Variants in NEDD4L observed in about 807,000 individuals in gnomAD.
NEDD4L encodes the protein E3 ubiquitin-protein ligase NEDD4-like.
NEDD4L carries 54 observed loss-of-function variants against 148.9 expected under a neutral mutation model. The observed-to-expected ratio is 0.36, with a 90% CI of 0.29 to 0.45. The LOEUF (loss-of-function observed/expected upper bound fraction) is 0.45. Ranked by LOEUF, NEDD4L falls within the 20% of genes least tolerant of loss-of-function variation. NEDD4L has a pLI of 1.00. For missense variants in NEDD4L, 856 were observed against 1,233.8 expected (o/e 0.69, Z 4.59); for synonymous variants, 433 against 440.7 (o/e 0.98, Z 0.22).
intron 2 of NEDD4L, among the ~76,000 whole-genome samples, chr18:58,224,042 G>A (rs1200144289): frequency 6.6e-6 from 1 of 152,224 alleles, no homozygotes; most frequent in Non-Finnish European, 1.5e-5. Context: ...TTCCTGCCAA[G>A]AGCCCCCTGC....
At chr18:58,193,584 C>CT (rs2040348488) in intron 2 of NEDD4L, among the ~76,000 whole-genome samples, 1 of 152,216 alleles carries the variant, frequency 6.6e-6, no homozygotes, top group African/African-American at 2.4e-5. Context: ...CCAATTTCTT[C>CT]TTTTTCCACG....
At chr18:58,206,450 T>C (rs1489701820) in intron 2 of NEDD4L, among the ~76,000 whole-genome samples, 2 of 152,140 alleles carry the variant, frequency 1.3e-5, no homozygotes, top group Non-Finnish European at 2.9e-5. Context: ...GTAGCTTGGT[T>C]CAGCCCAGCA....
chr18:58,165,107 C>A (rs2036684784), intron 1 of NEDD4L, among the ~76,000 whole-genome samples: 1 of 152,118 alleles, frequency 6.6e-6, no homozygotes, highest in African/African-American at 2.4e-5. Context: ...CTGCTTGTTG[C>A]CTTCAATAGA....
chr18:58,387,673 C>T (rs988820844), intron 27 of NEDD4L, 175 bp downstream of exon 27: 5 of 716,508 alleles, frequency 7.0e-6, no homozygotes, highest in African/African-American at 3.7e-5. Context: ...TATTACATGT[C>T]TCTTATGGGG....
intron 2 of NEDD4L, among the ~76,000 whole-genome samples, chr18:58,244,423 C>T (rs898262753): frequency 3.3e-5 from 5 of 152,178 alleles, no homozygotes; most frequent in Admixed American, 2.6e-4. Context: ...GCTAGCAATA[C>T]TTGAAAGTGT....
chr18:58,234,105 T>C (rs565721370), intron 2 of NEDD4L, among the ~76,000 whole-genome samples: 2 of 62,216 alleles, frequency 3.2e-5, no homozygotes, highest in African/African-American at 8.1e-5. Flanking sequence ...TTCTTTCTTT[T>C]CTTTTCTTTT....
At chr18:58,135,973 CCTTGTGGCTAAATA>C (rs2032800018) in intron 1 of NEDD4L, among the ~76,000 whole-genome samples, 1 of 152,184 alleles carries the variant, frequency 6.6e-6, no homozygotes, top group Non-Finnish European at 1.5e-5. Context: ...GCTTGCTCCC[CCTTGTGGCTAAATA>C]CAGGTGGTTC....
At chr18:58,389,761 A>T (rs957675452) in intron 28 of NEDD4L, among the ~76,000 whole-genome samples, 2 of 151,634 alleles carry the variant, frequency 1.3e-5, no homozygotes. Context: ...AAAAACAGTT[A>T]TCCCCCAAAA....
At chr18:58,317,698 G>A (rs1483119087) in intron 6 of NEDD4L, among the ~76,000 whole-genome samples, 1 of 152,190 alleles carries the variant, frequency 6.6e-6, no homozygotes, top group Non-Finnish European at 1.5e-5. Flanking sequence ...TGGATTCTGA[G>A]TGGAGGCAGG....
At chr18:58,290,105 A>G (rs1302140350) in intron 5 of NEDD4L, among the ~76,000 whole-genome samples, 1 of 152,214 alleles carries the variant, frequency 6.6e-6, no homozygotes, top group Admixed American at 6.5e-5. Flanking sequence ...ATCATCATAA[A>G]CTCCTAGACA....
intron 2 of NEDD4L, among the ~76,000 whole-genome samples, chr18:58,237,584 A>G (rs1239151883): frequency 2.0e-5 from 3 of 152,236 alleles, no homozygotes; most frequent in African/African-American, 7.2e-5. Context: ...TACTACCAAA[A>G]GATAAGGGAA....
intron 2 of NEDD4L, among the ~76,000 whole-genome samples, chr18:58,186,162 T>C (rs943075350): frequency 1.3e-5 from 2 of 152,160 alleles, no homozygotes; most frequent in African/African-American, 4.8e-5. Flanking sequence ...GAGTCGCAGA[T>C]TAGAAACAAC....
In NEDD4L at chr18:58,212,823, T is replaced by C. The variant is rs187087175; in HGVS notation, c.123-32604T>C. On this transcript the variant is annotated intron_variant, in intron 2 of 30. Transcript: ENST00000400345. ...TGGCAAAAGATACGTGATTAAGTCA[T>C]AGATCAAGAAGGGATATTTGAAACA... 1.2e-3 allele frequency among the ~76,000 whole-genome samples: 188 copies of C among 152,278 alleles called. 2 individuals carry two copies. Among genetic ancestry groups the C allele is most frequent in the Non-Finnish European group, 2.1e-3 (146 of 68,022 alleles).
chr18:58,097,004 T>C (rs2084453059), intron 1 of NEDD4L, among the ~76,000 whole-genome samples: 1 of 152,208 alleles, frequency 6.6e-6, no homozygotes, highest in Admixed American at 6.5e-5. Context: ...AAGGTTCTGA[T>C]CTTCAGAACT....
chr18:58,255,983 G>T (rs971559371), intron 5 of NEDD4L: 15 of 1,230,752 alleles, frequency 1.2e-5, no homozygotes, highest in Middle Eastern at 3.1e-4. Context: ...GGGCGCCGAC[G>T]ATGGGCCTCC....
chr18:58,393,518 GAA>G (rs2147053887), intron 30 of NEDD4L, among the ~76,000 whole-genome samples: 1 of 152,304 alleles, frequency 6.6e-6, no homozygotes, highest in South Asian at 2.1e-4. Flanking sequence ...ATGTGTCACG[GAA>G]ATAAAGCAAC....
At position 58,394,261 on chromosome 18, in the gene NEDD4L, A is replaced by T. The variant is rs117686004; in HGVS notation, c.2826-1906A>T. On this transcript the variant is annotated intron_variant, in intron 30 of 30. Coordinates refer to ENST00000400345, the MANE Select transcript of NEDD4L (RefSeq NM_001144967.3). ...GTGGCCCTAAGAGGTGGGTGATGTT[A>T]TGACCCACTTTTTTACAGATAACAC... Among the ~76,000 whole-genome samples, 125 of 152,350 alleles carry T rather than the reference A, an allele frequency of 8.2e-4. 3 individuals are homozygous for T. The East Asian group carries it at 0.022, about 27-fold the overall frequency.
intron 3 of NEDD4L, among the ~76,000 whole-genome samples, chr18:58,247,885 T>C (rs1444881199): frequency 6.6e-6 from 1 of 152,214 alleles, no homozygotes; most frequent in Non-Finnish European, 1.5e-5. Context: ...AACCCCATTA[T>C]TTAGGATTGA....
At chr18:58,258,476 A>G (rs959046605) in intron 5 of NEDD4L, among the ~76,000 whole-genome samples, 1 of 152,258 alleles carries the variant, frequency 6.6e-6, no homozygotes, top group Non-Finnish European at 1.5e-5. Flanking sequence ...AAAAAGTTCA[A>G]ACTCATTTGG....
Sources: gnomAD v4.1 joint callset for allele counts (sites outside exome capture counted in the v4.1 genomes callset) on GRCh38, gnomAD v4.1.1 for gene constraint, MANE v1.5 for transcripts, NCBI Gene and HGNC (gene_info 2026-07-23, HGNC 2026-07-21) for gene names.